SMIM3: variants seen among roughly 807,000 people sequenced by gnomAD.
The protein encoded by SMIM3 is NGF-induced differentiation clone 67 protein.
SMIM3 carries 4 observed loss-of-function variants against 2.1 expected under a neutral mutation model. The observed-to-expected ratio is 1.89, with a 90% confidence interval of 0.93 to 4.31. SMIM3 has a LOEUF of 4.31. Ranked by LOEUF, SMIM3 falls within the 30% of genes most tolerant of loss-of-function variation. SMIM3 has a pLI of 0.01. For synonymous variants in SMIM3, 29 were observed against 30.8 expected (o/e 0.94, Z 0.19); for missense variants, 79 against 77.7 (o/e 1.02, Z -0.06).
chr5:150,786,166 C>T (rs1351890444), intron 1 of SMIM3, among the ~76,000 whole-genome samples: 3 of 152,100 alleles, frequency 2.0e-5, no homozygotes, highest in Non-Finnish European at 4.4e-5. Context: ...TTCCCCTGAT[C>T]TTTTTTCCAG....
At chr5:150,792,606 C>T (rs914424307) in intron 1 of SMIM3, among the ~76,000 whole-genome samples, 1 of 152,168 alleles carries the variant, frequency 6.6e-6, no homozygotes, top group Non-Finnish European at 1.5e-5. Flanking sequence ...GTGATCATGG[C>T]TCACTGTAGC....
chr5:150,788,542 C>T (rs1353779746), intron 1 of SMIM3, among the ~76,000 whole-genome samples: 1 of 147,582 alleles, frequency 6.8e-6, no homozygotes, highest in South Asian at 2.1e-4. Flanking sequence ...GGCTGAGGCA[C>T]AGGTTTGCTT....
intron 1 of SMIM3, among the ~76,000 whole-genome samples, chr5:150,791,488 A>G (rs1450501793): frequency 6.6e-6 from 1 of 152,114 alleles, no homozygotes; most frequent in Non-Finnish European, 1.5e-5. Flanking sequence ...GCTTCCATAT[A>G]TAAATGAGAA....
At chr5:150,792,577 C>T (rs1753360024) in intron 1 of SMIM3, among the ~76,000 whole-genome samples, 1 of 152,174 alleles carries the variant, frequency 6.6e-6, no homozygotes, top group African/African-American at 2.4e-5. Flanking sequence ...CTCTGTCACC[C>T]AGGCTGGAGT....
chr5:150,790,307 C>G (rs916912347), intron 1 of SMIM3, among the ~76,000 whole-genome samples: 8 of 152,064 alleles, frequency 5.3e-5, no homozygotes, highest in Admixed American at 2.0e-4. Context: ...GTCAGGAAGA[C>G]TGTTTGATGT....
intron 1 of SMIM3, among the ~76,000 whole-genome samples, chr5:150,793,486 G>A (rs577958026): frequency 6.6e-6 from 1 of 152,206 alleles, no homozygotes; most frequent in South Asian, 2.1e-4. Flanking sequence ...ATAGACTAAT[G>A]GAACAGAACA....
chr5:150,786,864 T>C (rs867079330), intron 1 of SMIM3, among the ~76,000 whole-genome samples: 3 of 152,324 alleles, frequency 2.0e-5, no homozygotes, highest in African/African-American at 2.4e-5. Context: ...CAAAACATAA[T>C]TTGAGACCTA....
intron 1 of SMIM3, among the ~76,000 whole-genome samples, chr5:150,788,835 G>C (rs1205772574): frequency 1.3e-5 from 2 of 152,020 alleles, no homozygotes; most frequent in Admixed American, 1.3e-4. Context: ...CAGTTCACAG[G>C]GCTGGTGGTA....
chr5:150,785,048 T>G (rs74294172), intron 1 of SMIM3, among the ~76,000 whole-genome samples: 3 of 151,338 alleles, frequency 2.0e-5, no homozygotes, highest in Non-Finnish European at 2.9e-5. Flanking sequence ...TGCTCTTGAA[T>G]ACTTTAATTC....
intron 1 of SMIM3, among the ~76,000 whole-genome samples, chr5:150,783,376 AACCC>A (rs1753256346): frequency 1.3e-5 from 2 of 152,234 alleles, no homozygotes; most frequent in African/African-American, 4.8e-5. Flanking sequence ...AATGCTGGCA[AACCC>A]TCTAGTCCTG....
chr5:150,779,840 C>A (rs1224873365), intron 1 of SMIM3, among the ~76,000 whole-genome samples: 5 of 135,796 alleles, frequency 3.7e-5, no homozygotes, highest in African/African-American at 1.1e-4. Context: ...CCCCCCCCGC[C>A]CCCCCCACAA....
intron 1 of SMIM3, among the ~76,000 whole-genome samples, chr5:150,793,285 T>C (rs1212636919): frequency 6.6e-6 from 1 of 152,124 alleles, no homozygotes; most frequent in African/African-American, 2.4e-5. Context: ...CCCATCAGAA[T>C]ACCACCATCA....
chr5:150,788,398 A>C (rs985432615), intron 1 of SMIM3, among the ~76,000 whole-genome samples: 1 of 151,962 alleles, frequency 6.6e-6, no homozygotes, highest in African/African-American at 2.4e-5. Context: ...CCTTTGGGAA[A>C]CTGAGGTGGG....
chr5:150,783,009 T>C (rs1753252478), intron 1 of SMIM3, among the ~76,000 whole-genome samples: 1 of 152,108 alleles, frequency 6.6e-6, no homozygotes, highest in African/African-American at 2.4e-5. Flanking sequence ...ACAAGCTAAT[T>C]TTAGATTGTG....
At chr5:150,787,636 C>G (rs1376548955) in intron 1 of SMIM3, among the ~76,000 whole-genome samples, 1 of 152,108 alleles carries the variant, frequency 6.6e-6, no homozygotes. Flanking sequence ...GCTAACCTCT[C>G]TCAGTTTTAG....
At chr5:150,779,434 G>T (rs1347990281) in intron 1 of SMIM3, among the ~76,000 whole-genome samples, 1 of 152,196 alleles carries the variant, frequency 6.6e-6, no homozygotes, top group Non-Finnish European at 1.5e-5. Flanking sequence ...TTTTCTCGAG[G>T]CCCCGTGTAG....
intron 1 of SMIM3, among the ~76,000 whole-genome samples, chr5:150,791,134 C>T (rs1753345097): frequency 6.6e-6 from 1 of 152,178 alleles, no homozygotes; most frequent in Non-Finnish European, 1.5e-5. Flanking sequence ...CCACTATTAA[C>T]ACTTTCTTGA....
chr5:150,791,563 A>G (rs933416540), intron 1 of SMIM3, among the ~76,000 whole-genome samples: 11 of 152,172 alleles, frequency 7.2e-5, no homozygotes, highest in Non-Finnish European at 1.5e-4. Context: ...ATGTTCATCT[A>G]TGTTGTCACA....
chr5:150,793,968 C>T (rs909640925), intron 1 of SMIM3, among the ~76,000 whole-genome samples: 6 of 151,914 alleles, frequency 3.9e-5, no homozygotes. Context: ...TCAAACAAAT[C>T]AGTAAGAAAA....
Sources: allele counts gnomAD v4.1 joint callset (sites outside exome capture counted in the v4.1 genomes callset), GRCh38; gene constraint gnomAD v4.1.1; transcripts MANE v1.5; gene names NCBI Gene and HGNC (gene_info 2026-07-23, HGNC 2026-07-21).